Variants in ATRNL1 observed in about 807,000 individuals in gnomAD.
ATRNL1 encodes attractin-like protein 1.
A neutral mutation model predicts 182.7 loss-of-function variants in ATRNL1; 95 were observed. The ratio of observed to expected loss-of-function variants is 0.52; its 90% confidence interval spans 0.44 to 0.62. The LOEUF is 0.62. Among genes scored for constraint, ATRNL1 ranks in the 20% least tolerant of loss-of-function variants. The pLI, the probability that ATRNL1 is intolerant of heterozygous loss-of-function variation, is 0.00. For missense variants in ATRNL1, 1,471 were observed against 1,679.5 expected, an observed-to-expected ratio of 0.88 and a Z score of 2.17; for synonymous variants, 576 against 568.3, an observed-to-expected ratio of 1.01 and a Z score of -0.19.
intron 26 of ATRNL1, among the ~76,000 whole-genome samples, chr10:115,684,802 T>A (rs1555045853): frequency 6.6e-6 from 1 of 151,724 alleles, no homozygotes; most frequent in African/African-American, 2.4e-5. Flanking sequence ...GTAATGCACA[T>A]ATAGTGTAAT....
chr10:115,440,415 AC>A (rs1472569514), intron 21 of ATRNL1, among the ~76,000 whole-genome samples: 1 of 151,908 alleles, frequency 6.6e-6, no homozygotes, highest in Non-Finnish European at 1.5e-5. Flanking sequence ...CAATGGTATT[AC>A]CCGATACCTT....
intron 26 of ATRNL1, among the ~76,000 whole-genome samples, chr10:115,669,864 C>T (rs1234373871): frequency 2.0e-5 from 3 of 151,892 alleles, no homozygotes; most frequent in Non-Finnish European, 4.4e-5. Flanking sequence ...ACCTGAATTC[C>T]CAGCTGAATG....
intron 20 of ATRNL1, among the ~76,000 whole-genome samples, chr10:115,400,157 C>G (rs1388037276): frequency 6.6e-6 from 1 of 151,798 alleles, no homozygotes; most frequent in Non-Finnish European, 1.5e-5. Context: ...TATATGTGGC[C>G]AAAACTCATA....
intron 3 of ATRNL1, among the ~76,000 whole-genome samples, chr10:115,124,616 A>C (rs1844885962): frequency 6.6e-6 from 1 of 152,192 alleles, no homozygotes; most frequent in Admixed American, 6.5e-5. Context: ...AGTTAGGCTA[A>C]TACCATATGG....
chr10:115,634,207 T>C (rs1555027301), intron 26 of ATRNL1, among the ~76,000 whole-genome samples: 1 of 152,154 alleles, frequency 6.6e-6, no homozygotes, highest in Non-Finnish European at 1.5e-5. Context: ...CTACCGTGGT[T>C]ATTATGCACT....
chr10:115,648,279 A>G (rs1464929254), intron 26 of ATRNL1, among the ~76,000 whole-genome samples: 1 of 152,204 alleles, frequency 6.6e-6, no homozygotes, highest in Non-Finnish European at 1.5e-5. Context: ...GGAGAACTAC[A>G]TACCACTGCT....
chr10:115,232,924 A>G (rs1850019823), intron 9 of ATRNL1, among the ~76,000 whole-genome samples: 1 of 152,184 alleles, frequency 6.6e-6, no homozygotes, highest in Non-Finnish European at 1.5e-5. Flanking sequence ...ACAGAAATTT[A>G]GCTTCTCACA....
At chr10:115,135,995 A>G (rs1845494829) in intron 5 of ATRNL1, among the ~76,000 whole-genome samples, 1 of 151,004 alleles carries the variant, frequency 6.6e-6, no homozygotes, top group African/African-American at 2.4e-5. Flanking sequence ...AGTAGCTGGC[A>G]CCACAGGTTG....
chr10:115,101,208 T>C (rs1554864502), intron 1 of ATRNL1, among the ~76,000 whole-genome samples: 1 of 152,162 alleles, frequency 6.6e-6, no homozygotes, highest in African/African-American at 2.4e-5. Flanking sequence ...TGCCTTTTTT[T>C]TTCTTGCCTT....
At chr10:115,509,708 C>G (rs1850291585) in intron 24 of ATRNL1, among the ~76,000 whole-genome samples, 2 of 151,892 alleles carry the variant, frequency 1.3e-5, no homozygotes, top group Non-Finnish European at 2.9e-5. Flanking sequence ...TTGGGTATTT[C>G]TTTATAGTAA....
intron 27 of ATRNL1, among the ~76,000 whole-genome samples, chr10:115,793,099 A>AT (rs1396241973): frequency 1.3e-5 from 2 of 152,042 alleles, no homozygotes; most frequent in Non-Finnish European, 2.9e-5. Context: ...CAAAATAATA[A>AT]TTTCACCATT....
At chr10:115,813,173 T>C (rs993435091) in intron 27 of ATRNL1, among the ~76,000 whole-genome samples, 8 of 152,110 alleles carry the variant, frequency 5.3e-5, no homozygotes, top group Admixed American at 3.9e-4. Flanking sequence ...ACATGGCACA[T>C]GTATACATAT....
intron 27 of ATRNL1, among the ~76,000 whole-genome samples, chr10:115,736,078 TC>T (rs1555065474): frequency 3.3e-5 from 1 of 30,722 alleles, no homozygotes; most frequent in African/African-American, 8.3e-5. Context: ...AGGATCCAAG[TC>T]TTTGGTTATT....
intron 11 of ATRNL1, 127 bp downstream of exon 11, chr10:115,265,404 C>A: frequency 1.8e-6 from 1 of 543,018 alleles, no homozygotes; most frequent in East Asian, 2.9e-5. Context: ...CATCTCTTCT[C>A]TACCATAGAA....
intron 25 of ATRNL1, among the ~76,000 whole-genome samples, chr10:115,534,969 A>T (rs1851873333): frequency 6.6e-6 from 1 of 152,162 alleles, no homozygotes; most frequent in African/African-American, 2.4e-5. Context: ...GTTTCTGCTG[A>T]GAGATCCGCT....
chr10:115,608,471 A>C (rs968838461), intron 26 of ATRNL1, among the ~76,000 whole-genome samples: 5 of 152,084 alleles, frequency 3.3e-5, no homozygotes, highest in Non-Finnish European at 5.9e-5. Flanking sequence ...AGAACACTAC[A>C]TACCATACTT....
At chr10:115,747,133 T>C (rs1555069370) in intron 27 of ATRNL1, among the ~76,000 whole-genome samples, 2 of 152,134 alleles carry the variant, frequency 1.3e-5, no homozygotes, top group African/African-American at 2.4e-5. Flanking sequence ...GGAATATAGT[T>C]ATCATAGATA....
At chr10:115,329,813 G>A (rs1321559498) in intron 18 of ATRNL1, among the ~76,000 whole-genome samples, 1 of 152,040 alleles carries the variant, frequency 6.6e-6, no homozygotes, top group Admixed American at 6.6e-5. Flanking sequence ...GTTGGGTCTT[G>A]TTTCTTTATT....
chr10:115,405,471 T>C (rs1038421293), intron 20 of ATRNL1, among the ~76,000 whole-genome samples: 1 of 152,194 alleles, frequency 6.6e-6, no homozygotes, highest in African/African-American at 2.4e-5. Flanking sequence ...CAGTGTAATC[T>C]CTTTTTATAA....
Sources: gnomAD v4.1 joint callset for allele counts (sites outside exome capture counted in the v4.1 genomes callset) on GRCh38, gnomAD v4.1.1 for gene constraint, MANE v1.5 for transcripts, NCBI Gene and HGNC (gene_info 2026-07-23, HGNC 2026-07-21) for gene names.